Variants in NELL1 observed in about 807,000 individuals in gnomAD.
NELL1 encodes the protein protein kinase C-binding protein NELL1.
In NELL1, 76 loss-of-function variants were observed where a neutral mutation model predicts 107.4. That is an observed-to-expected ratio of 0.71 (90% CI 0.59 to 0.86). The LOEUF is 0.86. NELL1 is among the 40% of genes least tolerant of loss of function. NELL1 has a pLI of 0.00. For synonymous variants in NELL1, 353 were observed against 341.2 expected, an observed-to-expected ratio of 1.03 and a Z score of -0.38; for missense variants, 1,024 against 1,005.5, an observed-to-expected ratio of 1.02 and a Z score of -0.25.
At chr11:21,210,562 C>T (rs980998244) in intron 13 of NELL1, among the ~76,000 whole-genome samples, 1 of 152,020 alleles carries the variant, frequency 6.6e-6, no homozygotes, top group Non-Finnish European at 1.5e-5. Context: ...TACTTTTCCC[C>T]CTTTCTAATT....
chr11:20,912,593 A>C (rs1229849104), intron 5 of NELL1, among the ~76,000 whole-genome samples: 1 of 152,120 alleles, frequency 6.6e-6, no homozygotes, highest in Non-Finnish European at 1.5e-5. Context: ...ACTTCATTCC[A>C]AAGCCTTTCA....
chr11:21,169,558 G>A (rs1017751348), intron 13 of NELL1, among the ~76,000 whole-genome samples: 2 of 151,858 alleles, frequency 1.3e-5, no homozygotes, highest in Admixed American at 1.3e-4. Context: ...TATAAGATTT[G>A]ATTTGTGATT....
intron 14 of NELL1, among the ~76,000 whole-genome samples, chr11:21,252,066 C>T (rs1248779944): frequency 1.3e-5 from 2 of 152,122 alleles, no homozygotes; most frequent in African/African-American, 2.4e-5. Flanking sequence ...CACACTGCTC[C>T]ATTTAATTCT....
chr11:20,840,773 A>T (rs1475488213), intron 3 of NELL1, among the ~76,000 whole-genome samples: 1 of 152,260 alleles, frequency 6.6e-6, no homozygotes, highest in Non-Finnish European at 1.5e-5. Flanking sequence ...GAGGAGACAC[A>T]GTTCCCACCT....
chr11:21,026,009 C>G (rs185800757), intron 12 of NELL1, among the ~76,000 whole-genome samples: 24 of 152,280 alleles, frequency 1.6e-4, no homozygotes, highest in African/African-American at 5.5e-4. Context: ...CATTTAGACT[C>G]TATCTGGTCA....
chr11:21,200,332 G>T (rs1010396298), intron 13 of NELL1, among the ~76,000 whole-genome samples: 1 of 152,036 alleles, frequency 6.6e-6, no homozygotes, highest in African/African-American at 2.4e-5. Flanking sequence ...TTTAATGATT[G>T]TCATTCTAAC....
At chr11:20,992,131 C>T (rs1851989219) in intron 12 of NELL1, among the ~76,000 whole-genome samples, 1 of 151,914 alleles carries the variant, frequency 6.6e-6, no homozygotes, top group Admixed American at 6.6e-5. Flanking sequence ...ATTTCTGGGG[C>T]AACTCTGTAA....
chr11:21,027,324 A>AGTTTG (rs1195948472), intron 12 of NELL1, among the ~76,000 whole-genome samples: 2 of 150,670 alleles, frequency 1.3e-5, no homozygotes, highest in Non-Finnish European at 2.9e-5. Context: ...AGTTTAGTTT[A>AGTTTG]GTTTAGTTTA....
At chr11:21,034,115 G>A (rs530236298) in intron 12 of NELL1, among the ~76,000 whole-genome samples, 9 of 152,058 alleles carry the variant, frequency 5.9e-5, no homozygotes, top group Non-Finnish European at 1.0e-4. Flanking sequence ...TGTTGCCTAC[G>A]TTGCCTTGCG....
At chr11:20,833,230 A>C (rs1858051083) in intron 3 of NELL1, among the ~76,000 whole-genome samples, 1 of 152,230 alleles carries the variant, frequency 6.6e-6, no homozygotes, top group Admixed American at 6.5e-5. Context: ...AATTTACTTC[A>C]ATATTGTATA....
At chr11:21,314,006 C>A (rs1388530347) in intron 14 of NELL1, among the ~76,000 whole-genome samples, 1 of 105,600 alleles carries the variant, frequency 9.5e-6, no homozygotes, top group African/African-American at 3.9e-5. Context: ...CCCCCCCCCC[C>A]CCCGCGACCC....
intron 2 of NELL1, chr11:20,769,251 G>T (rs1274553457): frequency 6.6e-6 from 1 of 152,478 alleles, no homozygotes; most frequent in Admixed American, 6.5e-5. Flanking sequence ...ACTCTGACAA[G>T]TAAGACAGAA....
chr11:20,876,012 C>T (rs1849298078), intron 4 of NELL1, among the ~76,000 whole-genome samples: 4 of 152,238 alleles, frequency 2.6e-5, no homozygotes, highest in Admixed American at 2.6e-4. Flanking sequence ...CCCCCTCCCA[C>T]AGTGTTTGCT....
intron 14 of NELL1, among the ~76,000 whole-genome samples, chr11:21,308,172 G>A (rs114786263): frequency 6.6e-6 from 1 of 152,024 alleles, no homozygotes; most frequent in Non-Finnish European, 1.5e-5. Flanking sequence ...ATACCTCGTG[G>A]GGTTGCTGTG....
At chr11:21,504,840 A>T (rs77427794) in intron 15 of NELL1, among the ~76,000 whole-genome samples, 21,376 of 151,842 alleles carry the variant, frequency 0.14, 1,656 homozygotes, top group Non-Finnish European at 0.17. Context: ...TGCCACTCTA[A>T]CCCCTCTTCT....
rs139143987 is a variant in NELL1 at position 21,505,313 on chromosome 11, C to T, written c.1646-29061C>T. 3.8e-3 allele frequency among the ~76,000 whole-genome samples: 582 copies of T among 152,172 alleles called. 5 individuals carry two copies. Among genetic ancestry groups the T allele is most frequent in the African/African-American group, 0.012 (483 of 41,516 alleles). On this transcript the variant is annotated intron_variant, in intron 15 of 19. Coordinates refer to ENST00000357134, the MANE Select transcript of NELL1 (RefSeq NM_006157.5). ...CTAATCTATAAATTTATCAAAACTA[C>T]ATGGAATAGAGGAACACATGGACTC...
At chr11:21,569,560 G>T (rs545672813) in intron 17 of NELL1, among the ~76,000 whole-genome samples, 1 of 151,852 alleles carries the variant, frequency 6.6e-6, no homozygotes, top group South Asian at 2.1e-4. Flanking sequence ...GATGGGGACT[G>T]GTCAAGAAGT....
chr11:20,710,270 G>A (rs1855078922), intron 2 of NELL1, among the ~76,000 whole-genome samples: 1 of 152,138 alleles, frequency 6.6e-6, no homozygotes. Context: ...AGTGATGCTA[G>A]ATTTTGTCAA....
chr11:20,733,137 G>A (rs981171896), intron 2 of NELL1, among the ~76,000 whole-genome samples: 5 of 152,124 alleles, frequency 3.3e-5, no homozygotes, highest in Admixed American at 1.3e-4. Context: ...TTAGCTCCCC[G>A]CTTCCTCTTC....
Sources: allele counts gnomAD v4.1 joint callset (sites outside exome capture counted in the v4.1 genomes callset), GRCh38; gene constraint gnomAD v4.1.1; transcripts MANE v1.5; gene names NCBI Gene and HGNC (gene_info 2026-07-23, HGNC 2026-07-21).